Variants in STKLD1 observed in about 807,000 individuals in gnomAD.
The protein encoded by STKLD1 is serine/threonine kinase like domain containing 1.
Under a neutral mutation model 80.4 loss-of-function variants are expected in STKLD1, and 79 were observed. The observed-to-expected ratio is 0.98, with a 90% CI of 0.82 to 1.19. The LOEUF (loss-of-function observed/expected upper bound fraction) is 1.19. Among genes scored for constraint, STKLD1 ranks in the 50% most tolerant of loss-of-function variants. The pLI, the probability that STKLD1 is intolerant of heterozygous loss-of-function variation, is 0.00. For synonymous variants in STKLD1, 393 were observed against 357.6 expected (o/e 1.10, Z -1.12); for missense variants, 841 against 856.0 (o/e 0.98, Z 0.22).
chr9:133,398,056 G>T lies in STKLD1; in HGVS notation c.1081+1G>T, dbSNP rs782386671. ...CTGAAAATGCCTGCAGATCAGCTAG[G>T]TAGGCCCCACCCTGCACCCCTTTCC... On this transcript the variant is annotated splice_donor_variant, in intron 11 of 17. Coordinates refer to ENST00000371957, the MANE Select transcript of STKLD1 (RefSeq NM_153710.5). LOFTEE classifies it high-confidence loss of function. The T allele has an allele frequency of 6.2e-7, 1 of 1,613,372 alleles. No homozygotes were observed. Among genetic ancestry groups the T allele is most frequent in the South Asian group, 1.1e-5 (1 of 91,008 alleles).
At chr9:133,388,787 G>C in intron 5 of STKLD1, 3 of 985,394 alleles carry the variant, frequency 3.0e-6, no homozygotes, top group Non-Finnish European at 3.6e-6. Context: ...CTGTGTTTGG[G>C]GGGACCATGT....
intron 7 of STKLD1, among the ~76,000 whole-genome samples, chr9:133,391,454 C>T (rs1385762902): frequency 4.0e-5 from 6 of 151,404 alleles, no homozygotes; most frequent in African/African-American, 7.3e-5. Flanking sequence ...ATTGAGAAAT[C>T]GGATGGTTGC....
intron 2 of STKLD1, among the ~76,000 whole-genome samples, chr9:133,381,957 T>C (rs2130267276): frequency 6.6e-6 from 1 of 152,328 alleles, no homozygotes. Context: ...CACCCCATTA[T>C]AAGAGTACTT....
intron 12 of STKLD1, 71 bp from the exon 13 acceptor site, chr9:133,401,667 G>A (rs1048157783): frequency 3.1e-6 from 4 of 1,272,580 alleles, no homozygotes; most frequent in African/African-American, 4.5e-5. Flanking sequence ...CCCAGCCTGT[G>A]AGCCTTGTGT....
At chr9:133,393,234 G>A (rs931929042) in intron 7 of STKLD1, among the ~76,000 whole-genome samples, 20 of 147,050 alleles carry the variant, frequency 1.4e-4, no homozygotes, top group Admixed American at 8.8e-4. Flanking sequence ...ATGGTTGGAC[G>A]GATGGATGAA....
At position 133,390,851 on chromosome 9, in the gene STKLD1, CGGCGTTG is replaced by C; in HGVS notation, c.583+57_583+63del. ...AGGGGGTTGGCGCCTAGAATCCAGG[CGGCGTTG>C]GCCACTCTGGGTGCTGGAGTGAGGC... On this transcript the variant is annotated intron_variant, in intron 7 of 17. Coordinates refer to ENST00000371957, the MANE Select transcript of STKLD1 (RefSeq NM_153710.5). The surrounding 1 kb of genome is among the most constrained non-coding windows in gnomAD (Gnocchi z 5.1). 1 of 1,397,246 alleles carries C rather than the reference CGGCGTTG, an allele frequency of 7.2e-7. No homozygotes were observed. 86.6% of individuals were successfully genotyped at this position (1,397,246 alleles called of 1,614,324 possible).
Position 133,385,519 on chromosome 9 carries a change from G to A in STKLD1, c.220-98G>A. 2.3e-6 allele frequency: 3 copies of A among 1,279,816 alleles called. No homozygotes were observed. The highest frequency in any genetic ancestry group is 3.4e-6 in the Non-Finnish European group (3 of 892,734). 79.3% of individuals were successfully genotyped at this position (1,279,816 alleles called of 1,614,324 possible). A position where few individuals can be genotyped will look rare whatever the true frequency, so the allele number is the denominator to read the frequency against. ...CTCCCTGGCCCAGCTCAGAGCCCGA[G>A]GCTTGCATGTTTGTTGGGATGTGTG... On this transcript the variant is annotated intron_variant, in intron 3 of 17. Coordinates refer to ENST00000371957, the MANE Select transcript of STKLD1 (RefSeq NM_153710.5). This position sits in a 1 kb window ranked among gnomAD's most constrained non-coding sequence, Gnocchi z 4.9.
intron 5 of STKLD1, among the ~76,000 whole-genome samples, chr9:133,388,493 C>T (rs1212123673): frequency 2.0e-5 from 3 of 152,084 alleles, no homozygotes; most frequent in Non-Finnish European, 4.4e-5. Context: ...GTGATCCACC[C>T]GCCTCGGCCT....
chr9:133,385,007 G>C lies in STKLD1; in HGVS notation c.220-610G>C, dbSNP rs1176325010. ...GCACAGTGGTGGGCCCAGGCTACTC[G>C]GTAACAAATGGGAAGAAAGAGCATG... On this transcript the variant is annotated intron_variant, in intron 3 of 17. Coordinates refer to ENST00000371957, the MANE Select transcript of STKLD1 (RefSeq NM_153710.5). This position sits in a 1 kb window ranked among gnomAD's most constrained non-coding sequence, Gnocchi z 4.9. Among the ~76,000 whole-genome samples the C allele has an allele frequency of 2.0e-5, 3 of 152,272 alleles. No individual in the cohort carries two copies. Among genetic ancestry groups the C allele is most frequent in the East Asian group, 1.9e-4 (1 of 5,180 alleles).
chr9:133,400,334 C>G, intron 11 of STKLD1, 79 bp from the exon 12 acceptor site: 1 of 1,037,064 alleles, frequency 9.6e-7, no homozygotes, highest in Non-Finnish European at 1.5e-6. Context: ...CTCCTACCAG[C>G]CTCTGGGGGC....
chr9:133,395,987 G>A (rs1205412709), intron 9 of STKLD1: 5 of 428,834 alleles, frequency 1.2e-5, no homozygotes, highest in Non-Finnish European at 1.7e-5. Context: ...CTGACCCCCA[G>A]GAGGCACAGG....
rs1564386980 is a variant in STKLD1 at position 133,404,927 on chromosome 9, A to G, written c.1871A>G (p.Tyr624Cys). The G allele has an allele frequency of 3.1e-6, 5 of 1,613,170 alleles. No homozygotes were observed. The highest frequency in any genetic ancestry group is 2.2e-5 in the East Asian group (1 of 44,844). The change falls in exon 17 of 18, where the codon TAT (tyrosine) becomes TGT (cysteine). Residue 624 changes from tyrosine (Y) to cysteine (C), a missense_variant and splice_region_variant. Physicochemically the swap from Tyr to Cys is radical, Grantham distance 194 (BLOSUM62 -2). Transcript: ENST00000371957. ...VGMLLVHLAS[Y>C]EEILPELVSS... is the part of the protein sequence containing the mutation. ...ATGCTGCTGGTCCACCTGGCTTCCT[A>G]TGGTGAGAACCCCTTCTCACCTCAC...
chr9:133,390,934 T>G lies in STKLD1; in HGVS notation c.583+138T>G. Reference sequence around the variant, plus strand: ...AGGTCCCCACAAAGCCCTGGCCTTGTGTAAACTCCAAAGAGACCTCCTTTG... The same window carrying G: ...AGGTCCCCACAAAGCCCTGGCCTTGGGTAAACTCCAAAGAGACCTCCTTTG... On this transcript the variant is annotated intron_variant, in intron 7 of 17. Coordinates refer to ENST00000371957, the MANE Select transcript of STKLD1 (RefSeq NM_153710.5). The surrounding 1 kb of genome is among the most constrained non-coding windows in gnomAD (Gnocchi z 5.1). The G allele has an allele frequency of 1.4e-6, 1 of 698,900 alleles. No individual in the cohort carries two copies. Among genetic ancestry groups the G allele is most frequent in the Non-Finnish European group, 2.5e-6 (1 of 397,626 alleles). The allele number at this position is 698,900 out of a possible 1,614,324, so 43.3% of individuals were successfully genotyped here.
chr9:133,403,890 G>C, intron 15 of STKLD1, 30 bp from the exon 16 acceptor site: 1 of 1,608,994 alleles, frequency 6.2e-7, no homozygotes, highest in South Asian at 1.1e-5. Flanking sequence ...TGGCACAGCA[G>C]GCACAAGGCA....
chr9:133,400,811 CAGAG>C (rs1211077353), intron 12 of STKLD1, among the ~76,000 whole-genome samples: 1 of 152,202 alleles, frequency 6.6e-6, no homozygotes, highest in East Asian at 1.9e-4. Flanking sequence ...TCCTGGATGG[CAGAG>C]AGGGCACAGG....
rs1554777971 is a variant in STKLD1 at position 133,402,941 on chromosome 9, T to C, written c.1403T>C (p.Leu468Pro). The change falls in exon 14 of 18, where the codon CTC becomes CCC. Residue 468 changes from leucine (L) to proline (P), a missense_variant. Leu to Pro is a moderately conservative substitution (Grantham distance 98, BLOSUM62 -3). Transcript: ENST00000371957. ...CTGCTGGAGCACATCCTGGAGCACCTCAACAGCTCCCTCGAAAGCAGGGAC... is the reference window on the plus strand; with the variant it reads ...CTGCTGGAGCACATCCTGGAGCACCCCAACAGCTCCCTCGAAAGCAGGGAC... ...AGLLEHILEH[L>P]NSSLESRDVC... 1.3e-6 allele frequency: 2 copies of C among 1,584,726 alleles called. No individual in the cohort carries two copies. Among genetic ancestry groups the C allele is most frequent in the Non-Finnish European group, 1.7e-6 (2 of 1,165,686 alleles).
chr9:133,376,913 A>G (rs1467523815), intron 1 of STKLD1, among the ~76,000 whole-genome samples: 1 of 152,242 alleles, frequency 6.6e-6, no homozygotes, highest in Non-Finnish European at 1.5e-5. Flanking sequence ...CCAGTCCCCT[A>G]AAAACACCCC....
chr9:133,400,671 C>A, intron 12 of STKLD1, 142 bp downstream of exon 12: 1 of 744,968 alleles, frequency 1.3e-6, no homozygotes, highest in Non-Finnish European at 2.3e-6. Flanking sequence ...CCTTCTAGGC[C>A]ATCTTCTAGG....
At chr9:133,397,704 GCTT>G (rs907458928) in intron 10 of STKLD1, among the ~76,000 whole-genome samples, 1 of 152,180 alleles carries the variant, frequency 6.6e-6, no homozygotes, top group African/African-American at 2.4e-5. Context: ...CTTCCTGCGT[GCTT>G]CTATGTGCCC....
Sources: gnomAD v4.1 joint callset for allele counts (sites outside exome capture counted in the v4.1 genomes callset) on GRCh38, gnomAD v4.1.1 for gene constraint, Gnocchi (gnomAD v3.1) non-coding constraint, MANE v1.5 for transcripts, NCBI Gene and HGNC (gene_info 2026-07-23, HGNC 2026-07-21) for gene names.